NPAS3: variants seen among roughly 807,000 people sequenced by gnomAD.
The protein encoded by NPAS3 is neuronal PAS domain protein 3.
A neutral mutation model predicts 73.1 loss-of-function variants in NPAS3; 14 were observed. The ratio of observed to expected loss-of-function variants is 0.19; its 90% CI spans 0.13 to 0.30. The LOEUF (loss-of-function observed/expected upper bound fraction) is 0.30. Ranked by LOEUF, NPAS3 falls within the 10% of genes least tolerant of loss-of-function variation. NPAS3 has a pLI of 1.00. For synonymous variants in NPAS3, 620 were observed against 541.5 expected (o/e 1.14, Z -2.01); for missense variants, 1,096 against 1,250.0 (o/e 0.88, Z 1.86).
intron 3 of NPAS3, among the ~76,000 whole-genome samples, chr14:33,358,025 C>G (rs1040902508): frequency 1.3e-5 from 2 of 152,166 alleles, no homozygotes; most frequent in Admixed American, 6.5e-5. Context: ...TGTGACCCCT[C>G]CCATTGAGCT....
At chr14:33,025,051 A>G (rs1236630600) in intron 1 of NPAS3, among the ~76,000 whole-genome samples, 1 of 152,250 alleles carries the variant, frequency 6.6e-6, no homozygotes, top group Non-Finnish European at 1.5e-5. Flanking sequence ...AAGTCCTCTA[A>G]TAAAAGTAAC....
At position 33,369,404 on chromosome 14, in the gene NPAS3, C is replaced by CAAAAAAAAAAAAAAA. The variant is rs3058296; in HGVS notation, c.468+2145_468+2159dup. Among the ~76,000 whole-genome samples, 118 of 90,916 alleles carry CAAAAAAAAAAAAAAA rather than the reference C, an allele frequency of 1.3e-3. 3 individuals carry two copies. Among genetic ancestry groups the CAAAAAAAAAAAAAAA allele is most frequent in the Non-Finnish European group, 1.6e-3 (75 of 45,572 alleles). The allele number at this position is 90,916 out of a possible 152,430, so 59.6% of individuals were successfully genotyped here. A position where few individuals can be genotyped will look rare whatever the true frequency, so the allele number is the denominator to read the frequency against. ...TCTATTTATTTGAAGGCCTCATTTC[C>CAAAAAAAAAAAAAAA]AAAAAAAAAAAAAAAAAAAAAAAGG... On this transcript the variant is annotated intron_variant, in intron 4 of 11. Coordinates refer to ENST00000356141, the Ensembl canonical transcript of NPAS3.
chr14:33,334,411 G>T (rs2044122265), intron 3 of NPAS3, among the ~76,000 whole-genome samples: 1 of 152,106 alleles, frequency 6.6e-6, no homozygotes, highest in Admixed American at 6.6e-5. Context: ...CAGGCAAACA[G>T]CAATCTACTT....
intron 2 of NPAS3, among the ~76,000 whole-genome samples, chr14:33,213,383 T>C (rs2047108558): frequency 6.6e-6 from 1 of 152,238 alleles, no homozygotes; most frequent in Non-Finnish European, 1.5e-5. Context: ...ATAATTTCTT[T>C]TGGCACAGCT....
At chr14:33,155,663 A>G (rs1402151554) in intron 2 of NPAS3, among the ~76,000 whole-genome samples, 1 of 152,202 alleles carries the variant, frequency 6.6e-6, no homozygotes, top group Non-Finnish European at 1.5e-5. Flanking sequence ...CAGCTATGGA[A>G]GAGGTTTCTT....
chr14:33,158,232 A>G (rs2044719932), intron 2 of NPAS3, among the ~76,000 whole-genome samples: 1 of 152,184 alleles, frequency 6.6e-6, no homozygotes, highest in Non-Finnish European at 1.5e-5. Context: ...ACTTGGAAAC[A>G]TGTTAGAAAG....
At chr14:33,628,110 A>G (rs1294578491) in intron 5 of NPAS3, among the ~76,000 whole-genome samples, 1 of 152,228 alleles carries the variant, frequency 6.6e-6, no homozygotes, top group Non-Finnish European at 1.5e-5. Flanking sequence ...GCTAGTGGAA[A>G]AAATGGTTTG....
At chr14:33,789,583 C>T (rs1595619099) in intron 9 of NPAS3, among the ~76,000 whole-genome samples, 26 of 92,406 alleles carry the variant, frequency 2.8e-4, no homozygotes, top group African/African-American at 3.9e-4. Context: ...TAGAGTACAA[C>T]TTTTTTTTTT....
At chr14:33,203,404 A>G (rs1251591904) in intron 2 of NPAS3, among the ~76,000 whole-genome samples, 1 of 152,052 alleles carries the variant, frequency 6.6e-6, no homozygotes, top group Non-Finnish European at 1.5e-5. Context: ...ATGTATGTAT[A>G]CATGTGCCAT....
intron 2 of NPAS3, among the ~76,000 whole-genome samples, chr14:33,204,816 T>G (rs1300801267): frequency 6.6e-6 from 1 of 152,136 alleles, no homozygotes; most frequent in Non-Finnish European, 1.5e-5. Flanking sequence ...ATTCCAGCTC[T>G]CTTTTAGAGG....
chr14:33,508,958 C>CT (rs1438483647), intron 4 of NPAS3, among the ~76,000 whole-genome samples: 1 of 151,898 alleles, frequency 6.6e-6, no homozygotes, highest in African/African-American at 2.4e-5. Context: ...TGTTCATGCT[C>CT]TAAGAGTGAT....
chr14:33,286,917 C>A (rs1013586737), intron 3 of NPAS3, among the ~76,000 whole-genome samples: 7 of 152,116 alleles, frequency 4.6e-5, no homozygotes, highest in African/African-American at 1.7e-4. Context: ...CCTTAAAAAT[C>A]ATTTCCTAAG....
intron 1 of NPAS3, among the ~76,000 whole-genome samples, chr14:32,959,361 G>A (rs558905451): frequency 4.3e-4 from 65 of 152,296 alleles, no homozygotes; most frequent in Middle Eastern, 3.4e-3. Context: ...GTGTGCACAT[G>A]TATGCATCTG....
intron 3 of NPAS3, among the ~76,000 whole-genome samples, chr14:33,320,048 G>T (rs141776159): frequency 2.0e-5 from 3 of 152,090 alleles, no homozygotes; most frequent in Non-Finnish European, 2.9e-5. Context: ...CTGGTCAATC[G>T]GGAAGGAGTT....
At chr14:33,418,606 A>G (rs939003133) in intron 4 of NPAS3, among the ~76,000 whole-genome samples, 8 of 152,132 alleles carry the variant, frequency 5.3e-5, no homozygotes, top group African/African-American at 1.9e-4. Flanking sequence ...GAGTTTTAAG[A>G]GGATATGTTA....
intron 3 of NPAS3, among the ~76,000 whole-genome samples, chr14:33,310,134 A>C (rs1053061314): frequency 3.3e-5 from 5 of 152,214 alleles, no homozygotes; most frequent in African/African-American, 4.8e-5. Flanking sequence ...GAAGGGTACA[A>C]CATCCATGTG....
At chr14:33,507,393 A>C (rs918709073) in intron 4 of NPAS3, among the ~76,000 whole-genome samples, 7 of 152,090 alleles carry the variant, frequency 4.6e-5, no homozygotes, top group African/African-American at 1.7e-4. Flanking sequence ...CAGGACATTC[A>C]AGTAAAAAAG....
At chr14:33,379,747 A>G (rs2046459107) in intron 4 of NPAS3, among the ~76,000 whole-genome samples, 1 of 152,176 alleles carries the variant, frequency 6.6e-6, no homozygotes, top group South Asian at 2.1e-4. Context: ...TTGATTGCAG[A>G]CACCAATGAG....
At chr14:33,253,471 G>A (rs1284525382) in intron 3 of NPAS3, among the ~76,000 whole-genome samples, 1 of 152,004 alleles carries the variant, frequency 6.6e-6, no homozygotes, top group Non-Finnish European at 1.5e-5. Flanking sequence ...ATGAGAAGCA[G>A]CTCCTCACAA....
Sources: gnomAD v4.1 joint callset for allele counts (sites outside exome capture counted in the v4.1 genomes callset) on GRCh38, gnomAD v4.1.1 for gene constraint, MANE v1.5 for transcripts, NCBI Gene and HGNC (gene_info 2026-07-23, HGNC 2026-07-21) for gene names.